Variants in UNC5B observed in about 807,000 individuals in gnomAD.
UNC5B encodes the protein netrin receptor UNC5B.
In UNC5B, 56 loss-of-function variants were observed where a neutral mutation model predicts 103.7. The ratio of observed to expected loss-of-function variants is 0.54; its 90% confidence interval spans 0.44 to 0.67. The LOEUF is 0.67. Ranked by LOEUF, UNC5B falls within the 30% of genes least tolerant of loss-of-function variation. UNC5B has a pLI of 0.00. For missense variants in UNC5B, 1,194 were observed against 1,284.5 expected (o/e 0.93, Z 1.08); for synonymous variants, 577 against 542.0 (o/e 1.06, Z -0.90).
At chr10:71,259,925 C>G (rs919969424) in intron 1 of UNC5B, among the ~76,000 whole-genome samples, 1 of 152,204 alleles carries the variant, frequency 6.6e-6, no homozygotes, top group Non-Finnish European at 1.5e-5. Context: ...GTCTGCCCAT[C>G]GTGGCTGTGG....
chr10:71,224,537 A>G (rs1270243219), intron 1 of UNC5B, among the ~76,000 whole-genome samples: 2 of 152,192 alleles, frequency 1.3e-5, no homozygotes, highest in Non-Finnish European at 2.9e-5. Flanking sequence ...GCTTTGTGAC[A>G]TTGGGCCAGT....
intron 1 of UNC5B, among the ~76,000 whole-genome samples, chr10:71,231,646 G>C (rs1378362560): frequency 6.6e-6 from 1 of 151,942 alleles, no homozygotes; most frequent in East Asian, 1.9e-4. Flanking sequence ...AAAATCTTAA[G>C]AGTTTTTTTT....
chr10:71,264,507 C>T (rs1291692372), intron 1 of UNC5B, among the ~76,000 whole-genome samples: 1 of 152,174 alleles, frequency 6.6e-6, no homozygotes, highest in African/African-American at 2.4e-5. Flanking sequence ...GCTCAGATAG[C>T]GAAAGCCTGG....
intron 1 of UNC5B, among the ~76,000 whole-genome samples, chr10:71,277,487 C>T (rs1415446763): frequency 1.3e-5 from 2 of 152,222 alleles, no homozygotes; most frequent in African/African-American, 4.8e-5. Context: ...GCCCAGATGC[C>T]CTCCTGGCTC....
At chr10:71,238,371 G>A (rs1017098058) in intron 1 of UNC5B, among the ~76,000 whole-genome samples, 1 of 152,136 alleles carries the variant, frequency 6.6e-6, no homozygotes, top group Non-Finnish European at 1.5e-5. Context: ...CCCAAGTTTT[G>A]TTGCTCACAC....
At position 71,299,356 on chromosome 10, in the gene UNC5B, GTTTGGCCTCTGC is replaced by G; in HGVS notation, c.*82_*93del. ...CCTGGGGCAGCCTCCTGATGGGGAT[GTTTGGCCTCTGC>G]TTCCTCCCAGTTCACAGCCAGAGTT... is the stretch of plus-strand genomic sequence containing the variant. On this transcript the variant is annotated 3_prime_UTR_variant, in exon 17 of 17. Coordinates refer to ENST00000335350, the MANE Select transcript of UNC5B (RefSeq NM_170744.5). 1 of 1,558,838 alleles carries G rather than the reference GTTTGGCCTCTGC, an allele frequency of 6.4e-7. No homozygotes were observed. Among genetic ancestry groups the G allele is most frequent in the Non-Finnish European group, 8.7e-7 (1 of 1,151,024 alleles).
At chr10:71,248,978 T>C (rs1001320436) in intron 1 of UNC5B, among the ~76,000 whole-genome samples, 15 of 152,128 alleles carry the variant, frequency 9.9e-5, no homozygotes, top group South Asian at 2.1e-4. Context: ...GTGGGCAGTA[T>C]GTACACATAT....
intron 1 of UNC5B, among the ~76,000 whole-genome samples, chr10:71,229,632 G>A (rs1843643124): frequency 1.3e-5 from 2 of 152,190 alleles, no homozygotes; most frequent in African/African-American, 4.8e-5. Context: ...GATCTCTGCT[G>A]GAAGGGCAGG....
intron 1 of UNC5B, among the ~76,000 whole-genome samples, chr10:71,229,001 C>G (rs1354927300): frequency 6.6e-6 from 1 of 152,208 alleles, no homozygotes; most frequent in Non-Finnish European, 1.5e-5. Flanking sequence ...GCCTTATCCC[C>G]TGCGCACCTC....
intron 1 of UNC5B, among the ~76,000 whole-genome samples, chr10:71,251,506 C>T (rs188395679): frequency 7.2e-4 from 110 of 152,304 alleles, no homozygotes; most frequent in Non-Finnish European, 1.1e-3. Flanking sequence ...TCTGCAAGAG[C>T]GATTTTCCAT....
At chr10:71,273,297 G>A (rs938568835) in intron 1 of UNC5B, among the ~76,000 whole-genome samples, 1 of 152,238 alleles carries the variant, frequency 6.6e-6, no homozygotes, top group Non-Finnish European at 1.5e-5. Flanking sequence ...TTTATAGATG[G>A]GGAAACTGAG....
intron 1 of UNC5B, among the ~76,000 whole-genome samples, chr10:71,260,636 C>G (rs1443628541): frequency 6.6e-6 from 1 of 152,238 alleles, no homozygotes; most frequent in African/African-American, 2.4e-5. Context: ...AAGCTGTTCT[C>G]TGCCATCCCA....
intron 5 of UNC5B, 143 bp downstream of exon 5, chr10:71,287,012 A>G: frequency 8.3e-7 from 1 of 1,206,244 alleles, no homozygotes; most frequent in African/African-American, 1.5e-5. Flanking sequence ...ACACAGCAGA[A>G]TTCATGGCCA....
chr10:71,295,627 C>A (rs1316577951), intron 13 of UNC5B, among the ~76,000 whole-genome samples, 184 bp from the exon 14 acceptor site: 1 of 152,212 alleles, frequency 6.6e-6, no homozygotes, highest in Non-Finnish European at 1.5e-5. Flanking sequence ...AGTCATCTTT[C>A]CCACTGTCTG....
chr10:71,232,569 G>C (rs955424659), intron 1 of UNC5B, among the ~76,000 whole-genome samples: 2 of 152,264 alleles, frequency 1.3e-5, no homozygotes, highest in Admixed American at 1.3e-4. Context: ...GGAAGGCTTG[G>C]AGCAAATGGG....
chr10:71,298,703 G>A (rs928455225), intron 16 of UNC5B, among the ~76,000 whole-genome samples: 1 of 152,156 alleles, frequency 6.6e-6, no homozygotes, highest in Non-Finnish European at 1.5e-5. Context: ...CCTCCTATCA[G>A]GGGAGTTCAT....
At chr10:71,221,417 G>A (rs1270252063) in intron 1 of UNC5B, among the ~76,000 whole-genome samples, 2 of 152,326 alleles carry the variant, frequency 1.3e-5, no homozygotes, top group Middle Eastern at 3.4e-3. Flanking sequence ...GTCATGCATA[G>A]CTTCATTTCT....
intron 1 of UNC5B, among the ~76,000 whole-genome samples, chr10:71,221,489 G>A (rs1304498808): frequency 6.6e-6 from 1 of 152,190 alleles, no homozygotes; most frequent in Non-Finnish European, 1.5e-5. Flanking sequence ...TCCATGTAGG[G>A]TATCAGAACA....
intron 1 of UNC5B, among the ~76,000 whole-genome samples, chr10:71,214,687 C>T (rs1490907753): frequency 6.6e-6 from 1 of 152,056 alleles, no homozygotes; most frequent in Non-Finnish European, 1.5e-5. Flanking sequence ...GGAATAAATA[C>T]TTAGGTTACC....
Sources: allele counts gnomAD v4.1 joint callset (sites outside exome capture counted in the v4.1 genomes callset), GRCh38; gene constraint gnomAD v4.1.1; transcripts MANE v1.5; gene names NCBI Gene and HGNC (gene_info 2026-07-23, HGNC 2026-07-21).